CPNE4: variants seen among roughly 807,000 people sequenced by gnomAD.
The protein encoded by CPNE4 is copine-4.
Under a neutral mutation model 67.9 loss-of-function variants are expected in CPNE4, and 25 were observed. The ratio of observed to expected loss-of-function variants is 0.37; its 90% CI spans 0.27 to 0.51. The LOEUF (loss-of-function observed/expected upper bound fraction) is 0.51. CPNE4 is among the 20% of genes least tolerant of loss of function. The probability of loss-of-function intolerance (pLI) is 0.93; values close to 1 mark genes in which losing one functional copy is unlikely to be tolerated. For synonymous variants in CPNE4, 242 were observed against 244.9 expected, an observed-to-expected ratio of 0.99 and a Z score of 0.11; for missense variants, 464 against 690.8, an observed-to-expected ratio of 0.67 and a Z score of 3.68.
intron 15 of CPNE4, among the ~76,000 whole-genome samples, chr3:131,542,301 G>A (rs1230433128): frequency 6.6e-6 from 1 of 152,084 alleles, no homozygotes; most frequent in Non-Finnish European, 1.5e-5. Context: ...TAGTTAGCAT[G>A]GCTCCTGATC....
chr3:131,983,247 T>C (rs1307674806), intron 1 of CPNE4, among the ~76,000 whole-genome samples: 1 of 152,164 alleles, frequency 6.6e-6, no homozygotes, highest in Non-Finnish European at 1.5e-5. Context: ...CAATTATTTT[T>C]CTCTAACAGT....
At chr3:131,609,323 A>C (rs1271466433) in intron 7 of CPNE4, among the ~76,000 whole-genome samples, 1 of 152,144 alleles carries the variant, frequency 6.6e-6, no homozygotes, top group Non-Finnish European at 1.5e-5. Context: ...TGTGCTTTCC[A>C]GTGTAGGGTT....
intron 2 of CPNE4, among the ~76,000 whole-genome samples, chr3:131,724,153 G>A (rs2081952091): frequency 6.6e-6 from 1 of 152,124 alleles, no homozygotes; most frequent in Non-Finnish European, 1.5e-5. Context: ...CTATGTAGGT[G>A]TCTCATTTTA....
chr3:131,727,491 A>G (rs1359767592), intron 2 of CPNE4, among the ~76,000 whole-genome samples: 1 of 151,898 alleles, frequency 6.6e-6, no homozygotes, highest in African/African-American at 2.4e-5. Context: ...AATCTAAAAC[A>G]TTTTTCAGTC....
chr3:131,697,395 C>T (rs914405396), intron 4 of CPNE4, among the ~76,000 whole-genome samples: 2 of 152,138 alleles, frequency 1.3e-5, no homozygotes, highest in Non-Finnish European at 1.5e-5. Context: ...TATTCTGTGG[C>T]CACAGCACAT....
intron 6 of CPNE4, among the ~76,000 whole-genome samples, chr3:131,670,723 C>G (rs1283609138): frequency 6.6e-6 from 1 of 152,088 alleles, no homozygotes; most frequent in Non-Finnish European, 1.5e-5. Flanking sequence ...AACCACTGCT[C>G]TAGGGGATAT....
intron 7 of CPNE4, among the ~76,000 whole-genome samples, chr3:131,660,554 A>G (rs1419717222): frequency 1.3e-5 from 2 of 152,222 alleles, no homozygotes; most frequent in East Asian, 3.8e-4. Flanking sequence ...TGAAGAGTAC[A>G]GATACAGAAT....
At chr3:131,757,407 C>A (rs1039000941) in intron 2 of CPNE4, among the ~76,000 whole-genome samples, 2 of 152,126 alleles carry the variant, frequency 1.3e-5, no homozygotes, top group Admixed American at 6.6e-5. Flanking sequence ...TTTGCCCCTG[C>A]CATAGAGATT....
intron 7 of CPNE4, among the ~76,000 whole-genome samples, chr3:131,655,592 C>T (rs922184887): frequency 4.0e-5 from 6 of 151,878 alleles, no homozygotes; most frequent in African/African-American, 9.7e-5. Context: ...TAAAGCATGC[C>T]GTGTGGTCAA....
chr3:131,886,406 C>T (rs1314358025), intron 2 of CPNE4, among the ~76,000 whole-genome samples: 3 of 152,172 alleles, frequency 2.0e-5, no homozygotes, highest in African/African-American at 7.2e-5. Context: ...AAGTTTGCAG[C>T]AGGGGTGGGG....
intron 11 of CPNE4, among the ~76,000 whole-genome samples, chr3:131,559,997 T>C (rs185334974): frequency 1.3e-5 from 2 of 152,214 alleles, no homozygotes; most frequent in East Asian, 3.9e-4. Context: ...TTAATATTTT[T>C]TTTAAAAGTA....
At chr3:131,575,344 C>A (rs1937525405) in intron 9 of CPNE4, among the ~76,000 whole-genome samples, 1 of 152,094 alleles carries the variant, frequency 6.6e-6, no homozygotes, top group Non-Finnish European at 1.5e-5. Context: ...CTGCCAATAT[C>A]CATCCATTGC....
chr3:131,924,856 G>A (rs756122645), intron 1 of CPNE4, among the ~76,000 whole-genome samples: 46 of 152,168 alleles, frequency 3.0e-4, no homozygotes, highest in Non-Finnish European at 5.4e-4. Flanking sequence ...GGCTCAAACA[G>A]CAGGATCACA....
chr3:132,019,760 G>A (rs189824670), intron 1 of CPNE4, among the ~76,000 whole-genome samples: 10 of 152,138 alleles, frequency 6.6e-5, no homozygotes, highest in Non-Finnish European at 2.9e-5. Context: ...TTTGAGTAAT[G>A]GTTCTCAAAA....
intron 2 of CPNE4, among the ~76,000 whole-genome samples, chr3:131,802,715 G>A (rs1190944149): frequency 3.3e-5 from 5 of 152,174 alleles, no homozygotes; most frequent in African/African-American, 4.8e-5. Context: ...AAATGTTCAC[G>A]GAGGGAAACC....
At chr3:131,867,570 A>G (rs2087008968) in intron 2 of CPNE4, among the ~76,000 whole-genome samples, 1 of 152,124 alleles carries the variant, frequency 6.6e-6, no homozygotes, top group African/African-American at 2.4e-5. Context: ...CTCCATGCAA[A>G]TGCCAGTCCC....
At chr3:131,904,882 C>T (rs977662931) in intron 2 of CPNE4, among the ~76,000 whole-genome samples, 4 of 152,100 alleles carry the variant, frequency 2.6e-5, no homozygotes, top group African/African-American at 9.7e-5. Context: ...CTGCCTTGGC[C>T]ACAAGACTTT....
At chr3:131,879,554 C>T (rs2087588068) in intron 2 of CPNE4, among the ~76,000 whole-genome samples, 1 of 152,124 alleles carries the variant, frequency 6.6e-6, no homozygotes, top group African/African-American at 2.4e-5. Context: ...ACATCCCTTC[C>T]TCTCCCCACT....
At chr3:131,831,777 G>A (rs979237144) in intron 2 of CPNE4, among the ~76,000 whole-genome samples, 1 of 151,994 alleles carries the variant, frequency 6.6e-6, no homozygotes, top group South Asian at 2.1e-4. Flanking sequence ...TGGTTAGTGC[G>A]GACTTTGTCA....
Sources: gnomAD v4.1 joint callset for allele counts (sites outside exome capture counted in the v4.1 genomes callset) on GRCh38, gnomAD v4.1.1 for gene constraint, MANE v1.5 for transcripts, NCBI Gene and HGNC (gene_info 2026-07-23, HGNC 2026-07-21) for gene names.